Variants in NOL4 observed in about 807,000 individuals in gnomAD.
NOL4 encodes the protein cancer/testis antigen 125.
A neutral mutation model predicts 75.9 loss-of-function variants in NOL4; 17 were observed. That is an observed-to-expected ratio of 0.22 (90% CI 0.15 to 0.34). The LOEUF is 0.34. NOL4 is among the 10% of genes least tolerant of loss of function. The pLI, the probability that NOL4 is intolerant of heterozygous loss-of-function variation, is 1.00. For missense variants in NOL4, 614 were observed against 793.5 expected (o/e 0.77, Z 2.72); for synonymous variants, 292 against 289.9 (o/e 1.01, Z -0.07).
At chr18:33,968,508 G>A (rs1052211282) in intron 6 of NOL4, among the ~76,000 whole-genome samples, 1 of 152,086 alleles carries the variant, frequency 6.6e-6, no homozygotes, top group African/African-American at 2.4e-5. Flanking sequence ...TATCCTAAGG[G>A]AATTAACACA....
In NOL4 at chr18:34,024,194, A is replaced by AAAAT; in HGVS notation, c.773-4594_773-4593insATTT. ...CAAAATAAACAGGAAAAAAAAAAAA[A>AAAAT]ATATATATATATATATATATAAAAT... is the stretch of plus-strand genomic sequence containing the variant. On this transcript the variant is annotated intron_variant, in intron 5 of 10. Coordinates refer to ENST00000261592, the MANE Select transcript of NOL4 (RefSeq NM_003787.5). 3.0e-3 allele frequency among the ~76,000 whole-genome samples: 211 copies of AAAAT among 70,668 alleles called. 2 individuals are homozygous for AAAAT. Among genetic ancestry groups the AAAAT allele is most frequent in the African/African-American group, 9.7e-3 (184 of 18,954 alleles). The allele number at this position is 70,668 out of a possible 152,430, so 46.4% of individuals were successfully genotyped here.
At chr18:34,016,371 T>C (rs2074693341) in intron 6 of NOL4, among the ~76,000 whole-genome samples, 1 of 152,044 alleles carries the variant, frequency 6.6e-6, no homozygotes, top group Non-Finnish European at 1.5e-5. Flanking sequence ...TTTATAAAAT[T>C]CCAAGCTGAC....
chr18:34,015,053 A>G (rs1294441393), intron 6 of NOL4, among the ~76,000 whole-genome samples: 1 of 152,036 alleles, frequency 6.6e-6, no homozygotes, highest in Non-Finnish European at 1.5e-5. Flanking sequence ...TCACTTCAAA[A>G]GGTCACACAG....
intron 1 of NOL4, among the ~76,000 whole-genome samples, chr18:34,163,539 G>A (rs914246485): frequency 6.6e-6 from 1 of 152,166 alleles, no homozygotes; most frequent in Non-Finnish European, 1.5e-5. Flanking sequence ...TACAAGGGAT[G>A]TGAAGGACTC....
chr18:33,898,627 C>G (rs1448373712), intron 9 of NOL4, among the ~76,000 whole-genome samples: 1 of 152,102 alleles, frequency 6.6e-6, no homozygotes, highest in Non-Finnish European at 1.5e-5. Flanking sequence ...TTCTTGTCAT[C>G]TGAGAAGCAC....
chr18:33,873,865 T>C (rs2063808920), intron 10 of NOL4, among the ~76,000 whole-genome samples: 1 of 151,868 alleles, frequency 6.6e-6, no homozygotes, highest in South Asian at 2.1e-4. Context: ...CATGGGAACA[T>C]ATTGGAAGAA....
At chr18:34,195,632 A>C (rs1228867269) in intron 1 of NOL4, among the ~76,000 whole-genome samples, 2 of 152,126 alleles carry the variant, frequency 1.3e-5, no homozygotes, top group Non-Finnish European at 2.9e-5. Flanking sequence ...CTTTTCAAAA[A>C]AAAAAAAAAG....
At chr18:34,086,769 T>C (rs181178196) in intron 5 of NOL4, among the ~76,000 whole-genome samples, 52 of 152,248 alleles carry the variant, frequency 3.4e-4, no homozygotes, top group African/African-American at 1.2e-3. Context: ...TGTGTGCGTG[T>C]TCTAAAGTCC....
Position 33,957,617 on chromosome 18 carries a change from G to T in NOL4, c.1237-100C>A. 4.2e-6 allele frequency: 4 copies of T among 942,634 alleles called. No individual in the cohort carries two copies. The East Asian group carries it at 8.0e-5, about 19-fold the overall frequency. The allele number at this position is 942,634 out of a possible 1,614,324, so 58.4% of individuals were successfully genotyped here. A position where few individuals can be genotyped will look rare whatever the true frequency, so the allele number is the denominator to read the frequency against. On this transcript the variant is annotated intron_variant, in intron 7 of 10. Coordinates refer to ENST00000261592, the MANE Select transcript of NOL4 (RefSeq NM_003787.5). The stretch of plus-strand genomic sequence containing the variant: ...TACCGATAGGAAAATACTGTTTTCT[G>T]GTTTATGCACTGGAGAACTTTGCAA...
intron 10 of NOL4, among the ~76,000 whole-genome samples, chr18:33,854,766 A>G (rs2062765670): frequency 6.6e-6 from 1 of 151,614 alleles, no homozygotes; most frequent in Non-Finnish European, 1.5e-5. Context: ...AAGGTGTAAC[A>G]TTTTGATGGT....
At position 34,214,442 on chromosome 18, in the gene NOL4, A is replaced by G. The variant is rs78004547; in HGVS notation, c.264+8548T>C. Among the ~76,000 whole-genome samples, 199 of 152,300 alleles carry G rather than the reference A, an allele frequency of 1.3e-3. 4 individuals carry two copies. The East Asian group carries it at 0.033, about 26-fold the overall frequency. ...AATTTGGAAACCAGTGATTTAAAGC[A>G]AGGGCCTTAGAATCCAAATGGTTTC... is the stretch of plus-strand genomic sequence containing the variant. On this transcript the variant is annotated intron_variant, in intron 1 of 10. Coordinates refer to ENST00000261592, the MANE Select transcript of NOL4 (RefSeq NM_003787.5).
At chr18:34,172,326 A>T (rs1366234771) in intron 1 of NOL4, among the ~76,000 whole-genome samples, 2 of 152,126 alleles carry the variant, frequency 1.3e-5, no homozygotes, top group African/African-American at 4.8e-5. Context: ...TAAAAAATCA[A>T]CTTATACTTC....
Position 34,140,859 on chromosome 18 carries a change from T to C in NOL4, c.265-10839A>G, listed in dbSNP as rs182953736. On this transcript the variant is annotated intron_variant, in intron 1 of 10. Coordinates refer to ENST00000261592, the MANE Select transcript of NOL4 (RefSeq NM_003787.5). Reference sequence around the variant, plus strand: ...TGTTTAGCGCTTCCTTCAGGAGCTCTTGTAGGGCAGGCCTCATGGTGACAA... The same window carrying C: ...TGTTTAGCGCTTCCTTCAGGAGCTCCTGTAGGGCAGGCCTCATGGTGACAA... 3.3e-3 allele frequency among the ~76,000 whole-genome samples: 501 copies of C among 152,182 alleles called. 5 individuals carry two copies. The highest frequency in any genetic ancestry group is 0.012 in the African/African-American group (483 of 41,530).
intron 1 of NOL4, chr18:34,221,931 G>T: frequency 9.1e-7 from 1 of 1,102,008 alleles, no homozygotes; most frequent in Non-Finnish European, 1.3e-6. Context: ...GGGGGGAAAG[G>T]AAGAAATGCT....
At chr18:33,927,039 A>T (rs896179025) in intron 9 of NOL4, among the ~76,000 whole-genome samples, 1 of 152,118 alleles carries the variant, frequency 6.6e-6, no homozygotes. Context: ...AGTTTTATTA[A>T]ATGTCACTTA....
intron 10 of NOL4, among the ~76,000 whole-genome samples, chr18:33,858,389 TA>T (rs553635985): frequency 7.7e-4 from 115 of 148,440 alleles, no homozygotes; most frequent in South Asian, 4.0e-3. Context: ...TGCCAAAGAG[TA>T]AAAAAAAAAT....
At chr18:33,865,274 A>C (rs2063377255) in intron 10 of NOL4, among the ~76,000 whole-genome samples, 2 of 152,178 alleles carry the variant, frequency 1.3e-5, no homozygotes. Flanking sequence ...ATTTAGATAT[A>C]ACCCATGTGC....
At chr18:34,178,534 C>T (rs540557955) in intron 1 of NOL4, among the ~76,000 whole-genome samples, 1 of 151,392 alleles carries the variant, frequency 6.6e-6, no homozygotes, top group Middle Eastern at 3.4e-3. Context: ...CAAAGGGAAA[C>T]CAAAAGAGAA....
intron 6 of NOL4, among the ~76,000 whole-genome samples, chr18:33,993,046 T>A (rs888364791): frequency 1.3e-5 from 2 of 151,870 alleles, no homozygotes; most frequent in African/African-American, 4.8e-5. Context: ...TAGACTAAAC[T>A]GTAGGGCAGT....
Sources: allele counts gnomAD v4.1 joint callset (sites outside exome capture counted in the v4.1 genomes callset), GRCh38; gene constraint gnomAD v4.1.1; transcripts MANE v1.5; gene names NCBI Gene and HGNC (gene_info 2026-07-23, HGNC 2026-07-21).